MLLT10: variants seen among roughly 807,000 people sequenced by gnomAD.
MLLT10 encodes the protein MLLT10 histone lysine methyltransferase DOT1L cofactor.
In MLLT10, 30 loss-of-function variants were observed where a neutral mutation model predicts 129.1. The ratio of observed to expected loss-of-function variants is 0.23; its 90% CI spans 0.17 to 0.32. The LOEUF (loss-of-function observed/expected upper bound fraction) is 0.32. Ranked by LOEUF, MLLT10 falls within the 10% of genes least tolerant of loss-of-function variation. The pLI, the probability that MLLT10 is intolerant of heterozygous loss-of-function variation, is 1.00. For missense variants in MLLT10, 1,119 were observed against 1,268.3 expected, an observed-to-expected ratio of 0.88 and a Z score of 1.79; for synonymous variants, 490 against 446.4, an observed-to-expected ratio of 1.10 and a Z score of -1.23.
At chr10:21,565,162 A>G (rs992662251) in intron 3 of MLLT10, among the ~76,000 whole-genome samples, 9 of 152,164 alleles carry the variant, frequency 5.9e-5, no homozygotes, top group Non-Finnish European at 1.0e-4. Flanking sequence ...GCTCAAAAGT[A>G]TAGTGTTTCT....
chr10:21,587,107 G>A (rs2042060144), intron 4 of MLLT10, among the ~76,000 whole-genome samples: 1 of 151,482 alleles, frequency 6.6e-6, no homozygotes. Flanking sequence ...ATAAAGAAAT[G>A]TTGACTTTTA....
intron 3 of MLLT10, among the ~76,000 whole-genome samples, chr10:21,581,067 A>G (rs2041390220): frequency 7.8e-6 from 1 of 128,986 alleles, no homozygotes; most frequent in Non-Finnish European, 1.6e-5. Context: ...TTTTTTTGAG[A>G]CGGAGTCTTG....
At chr10:21,548,145 G>A (rs1009624662) in intron 3 of MLLT10, among the ~76,000 whole-genome samples, 2 of 152,062 alleles carry the variant, frequency 1.3e-5, no homozygotes, top group African/African-American at 4.8e-5. Context: ...GTCTTCTGGT[G>A]TCTGTTGGTT....
intron 3 of MLLT10, among the ~76,000 whole-genome samples, chr10:21,560,045 G>C (rs1194410162): frequency 1.3e-5 from 2 of 151,570 alleles, no homozygotes; most frequent in Non-Finnish European, 2.9e-5. Context: ...CACTCTTGTT[G>C]CCCACGCTGG....
In MLLT10 at chr10:21,635,750, T is replaced by A. The variant is rs530945609; in HGVS notation, c.700-15923T>A. Among the ~76,000 whole-genome samples the A allele has an allele frequency of 6.6e-5, 10 of 151,202 alleles. 1 individual carries two copies. In the South Asian group the frequency reaches 1.1e-3, roughly 16 times the overall value. Reference sequence around the variant, plus strand: ...TGTTGTTGTTTTTTTTTTTGAGATGTAGTTTCACTCTTGTCTCCCAGTCTA... The same window carrying A: ...TGTTGTTGTTTTTTTTTTTGAGATGAAGTTTCACTCTTGTCTCCCAGTCTA... On this transcript the variant is annotated intron_variant, in intron 8 of 22. Coordinates refer to ENST00000307729, the MANE Select transcript of MLLT10 (RefSeq NM_001195626.3).
intron 4 of MLLT10, among the ~76,000 whole-genome samples, chr10:21,591,230 T>C (rs2042465051): frequency 3.3e-5 from 5 of 152,154 alleles, no homozygotes; most frequent in Admixed American, 3.3e-4. Flanking sequence ...CTAATGTTTT[T>C]GTATTTGTTG....
At chr10:21,717,662 C>CTCT (rs1180677751) in intron 14 of MLLT10, among the ~76,000 whole-genome samples, 1 of 128,420 alleles carries the variant, frequency 7.8e-6, no homozygotes, top group South Asian at 2.7e-4. Flanking sequence ...CTTCCTCCTC[C>CTCT]TCTTCCTCCT....
intron 3 of MLLT10, among the ~76,000 whole-genome samples, chr10:21,575,053 T>C (rs1274116165): frequency 6.6e-6 from 1 of 152,158 alleles, no homozygotes; most frequent in Non-Finnish European, 1.5e-5. Context: ...AGGACCAACT[T>C]TGACTTCAAA....
chr10:21,595,308 G>A lies in MLLT10; in HGVS notation c.296-23G>A, dbSNP rs767731217. 2.5e-6 allele frequency: 4 copies of A among 1,571,930 alleles called. No individual in the cohort carries two copies. The Admixed American group carries it at 6.8e-5, about 27-fold the overall frequency. On this transcript the variant is annotated intron_variant, in intron 4 of 22. Coordinates refer to ENST00000307729, the MANE Select transcript of MLLT10 (RefSeq NM_001195626.3). ...TTGCTTTCGATAAAACTGAAAAGAT[G>A]ACATTTATTTATTTATTTTTAGGTT...
At chr10:21,534,222 C>T, upstream of MLLT10, 1 of 396,186 alleles carries the variant, frequency 2.5e-6, no homozygotes, top group East Asian at 3.6e-5. Context: ...ACGCCGGCCG[C>T]AGGACGGGCG....
chr10:21,628,869 C>T (rs1252456023), intron 8 of MLLT10, among the ~76,000 whole-genome samples: 2 of 151,598 alleles, frequency 1.3e-5, no homozygotes, highest in East Asian at 3.9e-4. Context: ...TTGCCTCAGC[C>T]TCCGCATTAG....
chr10:21,541,033 A>G (rs1588784604), intron 3 of MLLT10, among the ~76,000 whole-genome samples: 1 of 152,114 alleles, frequency 6.6e-6, no homozygotes, highest in East Asian at 1.9e-4. Context: ...GGTGGTGTGC[A>G]CCTGTAATGC....
chr10:21,726,280 C>T lies in MLLT10; in HGVS notation c.1915C>T (p.Pro639Ser). 6.2e-7 allele frequency: 1 copy of T among 1,612,914 alleles called. No homozygotes were observed. ...ATCTGGATCTTCTCTCAGTCAGGCACCATCTCATATGTATGGCAATAGATC... is the reference window on the plus strand; with the variant it reads ...ATCTGGATCTTCTCTCAGTCAGGCATCATCTCATATGTATGGCAATAGATC... ...TLSGSSLSQA[P>S]SHMYGNRSNS... Residue 639 changes from proline (P) to serine (S), a missense_variant, in exon 15 of 23, where the codon CCA becomes TCA. Coordinates refer to ENST00000307729, the MANE Select transcript of MLLT10 (RefSeq NM_001195626.3).
At chr10:21,534,067 G>A, upstream of MLLT10, 1 of 193,608 alleles carries the variant, frequency 5.2e-6, no homozygotes. Flanking sequence ...CGCGCCGCCG[G>A]CTCCCCTCGC....
Position 21,717,765 on chromosome 10 carries a change from TC to T in MLLT10, c.1878+3817del, listed in dbSNP as rs1311357881. On this transcript the variant is annotated intron_variant, in intron 14 of 22. Coordinates refer to ENST00000307729, the MANE Select transcript of MLLT10 (RefSeq NM_001195626.3). ...CTCCTCCTCTTCCTCCTCCTCCTCC[TC>T]CGCTGCTGCTGCTGCTTCTTCTTCT... Among the ~76,000 whole-genome samples the T allele has an allele frequency of 1.0e-4, 14 of 137,940 alleles. 1 individual carries two copies. The highest frequency in any genetic ancestry group is 3.3e-4 in the African/African-American group (12 of 36,824). 90.5% of individuals were successfully genotyped at this position (137,940 alleles called of 152,430 possible).
intron 3 of MLLT10, among the ~76,000 whole-genome samples, chr10:21,569,537 C>T (rs756715818): frequency 6.6e-6 from 1 of 151,634 alleles, no homozygotes; most frequent in East Asian, 2.0e-4. Context: ...TCTCCTGCCT[C>T]AGCCTCCCGA....
At chr10:21,590,189 C>T (rs942609547) in intron 4 of MLLT10, among the ~76,000 whole-genome samples, 3 of 152,160 alleles carry the variant, frequency 2.0e-5, no homozygotes, top group African/African-American at 7.2e-5. Context: ...TATCCTCCTG[C>T]CTCATCCTTC....
intron 5 of MLLT10, among the ~76,000 whole-genome samples, chr10:21,598,723 T>C (rs2043237928): frequency 1.3e-5 from 2 of 151,934 alleles, no homozygotes; most frequent in South Asian, 2.1e-4. Flanking sequence ...CTACTAAAAA[T>C]ACAAAAATTA....
intron 8 of MLLT10, among the ~76,000 whole-genome samples, chr10:21,636,792 G>C (rs1055479673): frequency 6.6e-6 from 1 of 151,932 alleles, no homozygotes; most frequent in Non-Finnish European, 1.5e-5. Flanking sequence ...TCAGGTGTGA[G>C]GTAGTAGAAG....
Sources: gnomAD v4.1 joint callset for allele counts (sites outside exome capture counted in the v4.1 genomes callset) on GRCh38, gnomAD v4.1.1 for gene constraint, MANE v1.5 for transcripts, NCBI Gene and HGNC (gene_info 2026-07-23, HGNC 2026-07-21) for gene names.